Variants in DHX9 observed in about 807,000 individuals in gnomAD.
The protein encoded by DHX9 is ATP-dependent RNA helicase A.
A neutral mutation model predicts 148.7 loss-of-function variants in DHX9; 27 were observed. That is an observed-to-expected ratio of 0.18 (90% CI 0.13 to 0.25). The LOEUF is 0.25. Ranked by LOEUF, DHX9 falls within the 10% of genes least tolerant of loss-of-function variation. The pLI, the probability that DHX9 is intolerant of heterozygous loss-of-function variation, is 1.00. For synonymous variants in DHX9, 529 were observed against 516.6 expected (o/e 1.02, Z -0.33); for missense variants, 796 against 1,559.6 (o/e 0.51, Z 8.25).
chr1:182,843,510 ATAG>A, intron 3 of DHX9, 76 bp downstream of exon 3: 1 of 1,312,740 alleles, frequency 7.6e-7, no homozygotes, highest in East Asian at 2.7e-5. Context: ...GAGACTCAAG[ATAG>A]TAATTTTTCA....
chr1:182,883,083 A>G (rs1023131474), intron 24 of DHX9, 56 bp from the exon 25 acceptor site: 3 of 1,134,354 alleles, frequency 2.6e-6, no homozygotes, highest in Admixed American at 3.4e-5. Flanking sequence ...GTTTGCATGT[A>G]ATGTGAAGAT....
rs1649090384 is a variant in DHX9, at chr1:182,881,666, T to A, written c.2914+19T>A. ...CCAGAAGGTAAGACTTCTTCCATTC[T>A]TAAGATATCTTTAAAGTGACATTTA... On this transcript the variant is annotated intron_variant, in intron 24 of 27. Transcript: ENST00000367549. 1 of 1,572,620 alleles carries A rather than the reference T, an allele frequency of 6.4e-7. No homozygotes were observed. The highest frequency in any genetic ancestry group is 2.2e-5 in the East Asian group (1 of 44,666).
At chr1:182,876,752 TTACA>T (rs143905474) in intron 18 of DHX9, 74 bp from the exon 19 acceptor site, 43,491 of 1,131,606 alleles carry the variant, frequency 0.038, 1,220 homozygotes, top group African/African-American at 0.12. Context: ...TTGTCATTTG[TTACA>T]TACATAAGCA....
chr1:182,857,260 G>C (rs1557968996), intron 7 of DHX9, among the ~76,000 whole-genome samples: 1 of 152,072 alleles, frequency 6.6e-6, no homozygotes, highest in East Asian at 1.9e-4. Flanking sequence ...ACCTTATCGA[G>C]GTTAATTTGG....
chr1:182,844,069 C>T (rs1571294647), intron 3 of DHX9, among the ~76,000 whole-genome samples: 3 of 152,170 alleles, frequency 2.0e-5, no homozygotes, highest in African/African-American at 7.2e-5. Context: ...CTGCCTCAGC[C>T]TCCGAGTAGC....
intron 18 of DHX9, 99 bp from the exon 19 acceptor site, chr1:182,876,731 C>G: frequency 1.0e-6 from 1 of 985,108 alleles, no homozygotes; most frequent in East Asian, 2.6e-5. Flanking sequence ...TTTAGGACTT[C>G]TGTAATTTTC....
chr1:182,859,078 A>C lies in DHX9; in HGVS notation c.1101A>C (p.Glu367Asp). ...AAATAAGCATGGACCTCAAGAATGA[A>C]TTGATGTACCAGTTGGAACAGGATC... ...PEQISMDLKNELMYQLEQDHD... is the reference protein window; with the variant it reads ...PEQISMDLKNDLMYQLEQDHD... Residue 367 changes from glutamate (E) to aspartate (D), a missense_variant, in exon 11 of 28, where the codon GAA becomes GAC. This residue lies in a region of DHX9 where 42 missense variants were observed against 27.1 expected (regional missense o/e 1.55). Transcript: ENST00000367549. 6.2e-7 allele frequency: 1 copy of C among 1,614,170 alleles called. No individual in the cohort carries two copies. Among genetic ancestry groups the C allele is most frequent in the Non-Finnish European group, 8.5e-7 (1 of 1,180,028 alleles).
intron 14 of DHX9, among the ~76,000 whole-genome samples, chr1:182,869,261 C>T (rs139034009): frequency 5.3e-5 from 8 of 152,314 alleles, no homozygotes; most frequent in South Asian, 2.1e-4. Flanking sequence ...TTGGTCCAGT[C>T]TTCTCCAGTC....
At chr1:182,879,148 G>C (rs1648967832) in intron 20 of DHX9, 102 bp from the exon 21 acceptor site, 1 of 946,836 alleles carries the variant, frequency 1.1e-6, no homozygotes, top group Non-Finnish European at 1.5e-6. Context: ...AAAAGGATGA[G>C]GAAAAGGCAG....
intron 2 of DHX9, 57 bp downstream of exon 2, chr1:182,842,734 A>G: frequency 1.4e-6 from 2 of 1,404,000 alleles, no homozygotes; most frequent in South Asian, 2.6e-5. Flanking sequence ...TTGGGGTTAA[A>G]AGAAAAATGT....
At chr1:182,868,799 TCTTA>T (rs1648417453) in intron 14 of DHX9, among the ~76,000 whole-genome samples, 3 of 152,146 alleles carry the variant, frequency 2.0e-5, no homozygotes, top group Admixed American at 6.5e-5. Flanking sequence ...GATTTTCTCC[TCTTA>T]CTTTTATATC....
intron 3 of DHX9, among the ~76,000 whole-genome samples, chr1:182,851,500 T>C (rs996306262): frequency 1.3e-5 from 2 of 152,166 alleles, no homozygotes; most frequent in Non-Finnish European, 2.9e-5. Flanking sequence ...CAGGAGAAAT[T>C]AATAGCGATA....
Position 182,858,970 on chromosome 1 carries a change from T to TA in DHX9, c.1063-64dup, listed in dbSNP as rs1402485678. On this transcript the variant is annotated intron_variant, in intron 10 of 27. Coordinates refer to ENST00000367549, the MANE Select transcript of DHX9 (RefSeq NM_001357.5). ...ACTATATTTGATTAGTATGTCTAGG[T>TA]AAAAAATGGATTTATTTTGAAGCTG... 7 of 1,610,164 alleles carry TA rather than the reference T, an allele frequency of 4.3e-6. No homozygotes were observed. In the African/African-American group the frequency reaches 8.0e-5, roughly 18 times the overall value.
chr1:182,866,545 A>T lies in DHX9; in HGVS notation c.1434A>T (p.Ile478=), dbSNP rs753943362. ...GCTACAGCGTTCGATTTGAGTCTAT[A>T]CTTCCTCGTCCTCATGCCAGTATAA... is the stretch of plus-strand genomic sequence containing the variant. ...SCGYSVRFES[I]LPRPHASIMF... The change falls in exon 13 of 28, where the codon ATA becomes ATT. Residue 478 remains isoleucine, a synonymous_variant. Transcript: ENST00000367549. 1.2e-6 allele frequency: 2 copies of T among 1,614,098 alleles called. No individual in the cohort carries two copies. The highest frequency in any genetic ancestry group is 2.7e-5 in the African/African-American group (2 of 74,938).
At chr1:182,870,012 A>G (rs1447779638) in intron 14 of DHX9, among the ~76,000 whole-genome samples, 3 of 152,246 alleles carry the variant, frequency 2.0e-5, no homozygotes, top group Admixed American at 6.5e-5. Context: ...AGAATTTAAC[A>G]GTCTGGCTGG....
chr1:182,845,470 C>T (rs980102616), intron 3 of DHX9, among the ~76,000 whole-genome samples: 4 of 151,040 alleles, frequency 2.6e-5, no homozygotes, highest in African/African-American at 9.8e-5. Context: ...CATACCACAA[C>T]AATCAACAAA....
At position 182,853,941 on chromosome 1, in the gene DHX9, A is replaced by G. The variant is rs916528581; in HGVS notation, c.478-89A>G. On this transcript the variant is annotated intron_variant, in intron 5 of 27. Transcript: ENST00000367549. Reference sequence around the variant, plus strand: ...AAAAACAGCTTTTGCATTATAAAGGATAGTACAAAGACAGTATTAAAAATT... The same window carrying G: ...AAAAACAGCTTTTGCATTATAAAGGGTAGTACAAAGACAGTATTAAAAATT... 8.4e-6 allele frequency: 10 copies of G among 1,185,748 alleles called. No homozygotes were observed. In the African/African-American group the frequency reaches 9.2e-5, roughly 11 times the overall value. The allele number at this position is 1,185,748 out of a possible 1,614,324, so 73.5% of individuals were successfully genotyped here.
intron 3 of DHX9, among the ~76,000 whole-genome samples, chr1:182,849,847 A>G (rs1010643135): frequency 1.3e-5 from 2 of 151,598 alleles, no homozygotes; most frequent in East Asian, 3.9e-4. Flanking sequence ...GTGTTTGTTA[A>G]TATATTAGCA....
Position 182,883,659 on chromosome 1 carries a change from C to A in DHX9, c.3260+24C>A, listed in dbSNP as rs376314995. 9.2e-6 allele frequency: 14 copies of A among 1,513,952 alleles called. No individual in the cohort carries two copies. In the African/African-American group the frequency reaches 1.8e-4, roughly 19 times the overall value. The allele number at this position is 1,513,952 out of a possible 1,614,324, so 93.8% of individuals were successfully genotyped here. ...TGGTATGGATTTTCAGATGTGAACT[C>A]CAAACTGAATTCTTAGAATTACAAT... On this transcript the variant is annotated intron_variant, in intron 26 of 27. Transcript: ENST00000367549.
Sources: allele counts gnomAD v4.1 joint callset (sites outside exome capture counted in the v4.1 genomes callset), GRCh38; gene constraint gnomAD v4.1.1; regional missense constraint gnomAD v4.1.1; transcripts MANE v1.5; gene names NCBI Gene and HGNC (gene_info 2026-07-23, HGNC 2026-07-21).